LVRN: variants seen among roughly 807,000 people sequenced by gnomAD.
LVRN encodes the protein aminopeptidase Q.
In LVRN, 99 loss-of-function variants were observed where a neutral mutation model predicts 111.4. The observed-to-expected ratio is 0.89, with a 90% CI of 0.76 to 1.05. The LOEUF is 1.05. Among genes scored for constraint, LVRN ranks in the 50% least tolerant of loss-of-function variants. LVRN has a pLI of 0.00. For synonymous variants in LVRN, 488 were observed against 449.5 expected, an observed-to-expected ratio of 1.09 and a Z score of -1.08; for missense variants, 1,414 against 1,206.8, an observed-to-expected ratio of 1.17 and a Z score of -2.54.
rs776400070 is a variant in LVRN at position 116,000,566 on chromosome 5, T to G, written c.1582-27T>G. On this transcript the variant is annotated intron_variant, in intron 8 of 19. Transcript: ENST00000357872. The stretch of plus-strand genomic sequence containing the variant: ...AAATTCCATTGGCATGCTATTTATT[T>G]TAACCTTAACTTTTCTATTTTTACA... The G allele has an allele frequency of 8.7e-6, 14 of 1,613,362 alleles. No individual in the cohort carries two copies. In the South Asian group the frequency reaches 1.5e-4, roughly 18 times the overall value.
rs768928208 is a variant in LVRN, at chr5:115,999,749, T to G, written c.1375-13T>G. On this transcript the variant is annotated splice_polypyrimidine_tract_variant and intron_variant, in intron 6 of 19. Coordinates refer to ENST00000357872, the MANE Select transcript of LVRN (RefSeq NM_173800.5). Reference sequence around the variant, plus strand: ...CCTCAGGAGTTAATGTGCCTCCATCTTTTCCTTTATAGAATGAGATCTTTT... The same window carrying G: ...CCTCAGGAGTTAATGTGCCTCCATCGTTTCCTTTATAGAATGAGATCTTTT... The G allele has an allele frequency of 6.2e-7, 1 of 1,611,976 alleles. No individual in the cohort carries two copies. Among genetic ancestry groups the G allele is most frequent in the Non-Finnish European group, 8.5e-7 (1 of 1,179,098 alleles).
intron 19 of LVRN, among the ~76,000 whole-genome samples, chr5:116,023,043 A>G (rs1490724581): frequency 1.3e-5 from 2 of 152,204 alleles, no homozygotes; most frequent in East Asian, 3.8e-4. Context: ...TGTCTGGAGA[A>G]CACTCCTCAT....
chr5:116,026,026 G>A lies in LVRN; in HGVS notation c.2881G>A (p.Val961Ile), dbSNP rs772380490. 3 of 1,613,928 alleles carry A rather than the reference G, an allele frequency of 1.9e-6. No homozygotes were observed. In the Admixed American group the frequency reaches 5.0e-5, roughly 27 times the overall value. ...GTTGGAGGAACACCAGAGGATCAGA[G>A]TTCATGCCAACTTACAGACAATAAA... ...NMLEEHQRIR[V>I]HANLQTIKNE... Residue 961 changes from valine to isoleucine, a missense_variant, in exon 20 of 20, where the codon GTT (valine) becomes ATT (isoleucine). Physicochemically the swap from Val to Ile is conservative, Grantham distance 29. Coordinates refer to ENST00000357872, the MANE Select transcript of LVRN (RefSeq NM_173800.5).
intron 13 of LVRN, among the ~76,000 whole-genome samples, chr5:116,007,670 A>G (rs1010235472): frequency 3.3e-5 from 5 of 152,186 alleles, no homozygotes; most frequent in African/African-American, 1.2e-4. Context: ...TACTACAGGC[A>G]TACCTCGTTT....
At chr5:116,008,398 G>A (rs1229225984) in intron 13 of LVRN, among the ~76,000 whole-genome samples, 2 of 151,986 alleles carry the variant, frequency 1.3e-5, no homozygotes, top group Non-Finnish European at 2.9e-5. Flanking sequence ...CCCTACAATG[G>A]CCTTTAGGGG....
chr5:116,022,153 A>T (rs973362484), intron 18 of LVRN: 8 of 349,856 alleles, frequency 2.3e-5, no homozygotes. Flanking sequence ...GTTTTTAAGA[A>T]GAGCTTTTTA....
intron 1 of LVRN, 32 bp downstream of exon 1, chr5:115,963,344 GC>G (rs771836742): frequency 5.3e-5 from 80 of 1,513,020 alleles, no homozygotes; most frequent in Non-Finnish European, 6.6e-5. Context: ...GCCCCTCTCG[GC>G]CCCCGCCCCT....
At chr5:115,986,180 C>G (rs559125905) in intron 3 of LVRN, among the ~76,000 whole-genome samples, 199 of 152,332 alleles carry the variant, frequency 1.3e-3, no homozygotes, top group African/African-American at 4.7e-3. Flanking sequence ...TCTGATTTTC[C>G]TATTGAATAA....
rs1431563103 is a variant in LVRN at position 116,015,755 on chromosome 5, G to A, written c.2746G>A (p.Val916Met). The A allele has an allele frequency of 6.2e-7, 1 of 1,613,244 alleles. No individual in the cohort carries two copies. The highest frequency in any genetic ancestry group is 8.5e-7 in the Non-Finnish European group (1 of 1,179,530). The change falls in exon 18 of 20, where the codon GTG (valine) becomes ATG (methionine). Residue 916 changes from valine (V) to methionine (M), a missense_variant. Physicochemically the swap from Val to Met is conservative, Grantham distance 21. Coordinates refer to ENST00000357872, the MANE Select transcript of LVRN (RefSeq NM_173800.5). ...CTTCTTAGTCAACAACTGGCAAGCTGTGAGTAAAAGGTAAGAAGGAAAGTG... is the reference window on the plus strand; with the variant it reads ...CTTCTTAGTCAACAACTGGCAAGCTATGAGTAAAAGGTAAGAAGGAAAGTG... Reference protein sequence around the residue: ...KDFLVNNWQAVSKRYGTQSLI... With the variant: ...KDFLVNNWQAMSKRYGTQSLI...
At chr5:115,992,423 G>A in intron 5 of LVRN, 146 bp downstream of exon 5, 2 of 947,292 alleles carry the variant, frequency 2.1e-6, no homozygotes, top group Non-Finnish European at 3.1e-6. Flanking sequence ...AGTAAAAATG[G>A]GGAAGACTCA....
In LVRN at chr5:116,010,681, G is replaced by A. The variant is rs751248895; in HGVS notation, c.2094-60G>A. ...TTGAAACATGGAACAAATATCGAAC[G>A]TATGCAAATTACTTAGCAAGTGAAG... On this transcript the variant is annotated intron_variant, in intron 13 of 19. Transcript: ENST00000357872. 1.2e-4 allele frequency: 188 copies of A among 1,519,028 alleles called. 1 individual carries two copies. In the Middle Eastern group the frequency reaches 1.6e-3, roughly 13 times the overall value. The allele number at this position is 1,519,028 out of a possible 1,614,324, so 94.1% of individuals were successfully genotyped here.
chr5:116,022,276 T>A (rs1389927000), intron 18 of LVRN, 115 bp from the exon 19 acceptor site: 1 of 705,230 alleles, frequency 1.4e-6, no homozygotes, highest in Non-Finnish European at 2.5e-6. Context: ...TTTACTTAGA[T>A]TTGTGACATA....
intron 18 of LVRN, among the ~76,000 whole-genome samples, chr5:116,017,626 C>T (rs1012987419): frequency 2.6e-5 from 4 of 152,126 alleles, no homozygotes; most frequent in Non-Finnish European, 5.9e-5. Flanking sequence ...TCAGATCAAT[C>T]TTAGGATGAG....
At chr5:115,996,609 A>AT (rs1221529321) in intron 6 of LVRN, among the ~76,000 whole-genome samples, 3 of 152,168 alleles carry the variant, frequency 2.0e-5, no homozygotes, top group African/African-American at 4.8e-5. Flanking sequence ...CAGATTTACA[A>AT]TTTTTTCTAT....
chr5:115,970,343 T>A (rs535856165), intron 1 of LVRN, among the ~76,000 whole-genome samples: 2 of 152,216 alleles, frequency 1.3e-5, no homozygotes, highest in South Asian at 2.1e-4. Context: ...TACTCTCATG[T>A]CTAACTTCTT....
intron 19 of LVRN, 151 bp from the exon 20 acceptor site, chr5:116,025,827 C>A: frequency 1.1e-6 from 1 of 935,652 alleles, no homozygotes; most frequent in Non-Finnish European, 1.6e-6. Context: ...ACAGTCTCCC[C>A]AGGGACACAC....
At chr5:116,021,284 A>G (rs1212953711) in intron 18 of LVRN, 1 of 152,400 alleles carries the variant, frequency 6.6e-6, no homozygotes, top group Non-Finnish European at 1.5e-5. Flanking sequence ...CACCATAGGT[A>G]GGTTTCCTCT....
chr5:115,998,418 G>C (rs1051698311), intron 6 of LVRN, among the ~76,000 whole-genome samples: 7 of 152,126 alleles, frequency 4.6e-5, no homozygotes, highest in Non-Finnish European at 4.4e-5. Flanking sequence ...AAGATAAAAA[G>C]TTTTTACAAC....
intron 11 of LVRN, 51 bp downstream of exon 11, chr5:116,002,962 A>G: frequency 7.3e-7 from 1 of 1,365,150 alleles, no homozygotes; most frequent in South Asian, 1.3e-5. Flanking sequence ...ATGTAAAGGC[A>G]GGGAATAAAA....
Sources: gnomAD v4.1 joint callset for allele counts (sites outside exome capture counted in the v4.1 genomes callset) on GRCh38, gnomAD v4.1.1 for gene constraint, MANE v1.5 for transcripts, NCBI Gene and HGNC (gene_info 2026-07-23, HGNC 2026-07-21) for gene names.